Variants in MINAR1 observed in about 807,000 individuals in gnomAD.
The protein encoded by MINAR1 is major intrinsically disordered Notch2-binding receptor 1.
A neutral mutation model predicts 65.1 loss-of-function variants in MINAR1; 40 were observed. That is an observed-to-expected ratio of 0.61 (90% CI 0.48 to 0.80). MINAR1 has a LOEUF of 0.80. Among genes scored for constraint, MINAR1 ranks in the 30% least tolerant of loss-of-function variants. The pLI is 0.00. For missense variants in MINAR1, 1,128 were observed against 1,148.0 expected, an observed-to-expected ratio of 0.98 and a Z score of 0.25; for synonymous variants, 482 against 449.1, an observed-to-expected ratio of 1.07 and a Z score of -0.93.
Position 79,458,268 on chromosome 15 carries a change from A to G in MINAR1, c.2121A>G (p.Pro707=), listed in dbSNP as rs774995490. 6.2e-6 allele frequency: 10 copies of G among 1,614,028 alleles called. No individual in the cohort carries two copies. The African/African-American group carries it at 1.1e-4, about 17-fold the overall frequency. The change falls in exon 2 of 4, where the codon CCA becomes CCG. Residue 707 remains proline, a synonymous_variant. Coordinates refer to ENST00000305428, the MANE Select transcript of MINAR1 (RefSeq NM_015206.3). The part of the protein sequence containing the change: ...KALKKSLFTR[P]SSRSLTEENS... ...TAAAAAAAAGCCTCTTCACCAGGCC[A>G]TCCTCTAGGTCCCTAACAGAGGAGA... is the stretch of plus-strand genomic sequence containing the variant.
At chr15:79,452,402 G>A (rs569805990) in intron 1 of MINAR1, among the ~76,000 whole-genome samples, 3 of 152,098 alleles carry the variant, frequency 2.0e-5, no homozygotes, top group African/African-American at 7.2e-5. Context: ...CTGAAGCTGT[G>A]CAAGTGTGAA....
chr15:79,448,889 T>C (rs1352239344), intron 1 of MINAR1, among the ~76,000 whole-genome samples: 2 of 152,184 alleles, frequency 1.3e-5, no homozygotes, highest in Non-Finnish European at 2.9e-5. Context: ...TCTCTCTCTT[T>C]TTGCTCTGCT....
chr15:79,457,501 G>T lies in MINAR1; in HGVS notation c.1354G>T (p.Val452Phe). 2 of 1,614,174 alleles carry T rather than the reference G, an allele frequency of 1.2e-6. No individual in the cohort carries two copies. The highest frequency in any genetic ancestry group is 1.7e-5 in the Admixed American group (1 of 60,026). Residue 452 changes from valine (V) to phenylalanine (F), a missense_variant, in exon 2 of 4, where the codon GTC becomes TTC. Transcript: ENST00000305428. ...SPVDLEKHEP[V>F]KKFKDKSINC... Reference sequence around the variant, plus strand: ...TGTTGACCTGGAGAAGCATGAACCAGTCAAAAAGTTTAAAGACAAGAGCAT... The same window carrying T: ...TGTTGACCTGGAGAAGCATGAACCATTCAAAAAGTTTAAAGACAAGAGCAT...
At chr15:79,463,848 C>T in intron 3 of MINAR1, 1 of 433,046 alleles carries the variant, frequency 2.3e-6, no homozygotes, top group Non-Finnish European at 4.7e-6. Flanking sequence ...TGGGTTTTGG[C>T]CACACTTTTA....
At chr15:79,419,180 A>G in the MINAR1 span, 1 of 152,264 alleles carries the variant, frequency 6.6e-6, no homozygotes, top group Admixed American at 6.5e-5. Context: ...AAGACCTCGC[A>G]GGAAAAGGGA....
upstream of MINAR1, among the ~76,000 whole-genome samples, chr15:79,429,288 G>A (rs1894387181): frequency 6.6e-6 from 1 of 152,154 alleles, no homozygotes; most frequent in African/African-American, 2.4e-5. Flanking sequence ...CCATGTTTCT[G>A]GGTTCAAATA....
the MINAR1 span, chr15:79,411,715 C>A: frequency 5.8e-6 from 3 of 521,068 alleles, no homozygotes; most frequent in Non-Finnish European, 1.0e-5. Context: ...GACTCCTTGA[C>A]CACCACAGAC....
chr15:79,445,884 T>C (rs2141283685), intron 1 of MINAR1, among the ~76,000 whole-genome samples: 1 of 152,346 alleles, frequency 6.6e-6, no homozygotes, highest in Non-Finnish European at 1.5e-5. Flanking sequence ...CTGTAGGTAG[T>C]CTTTGCATTT....
chr15:79,463,179 C>T lies in MINAR1; in HGVS notation c.2411C>T (p.Ala804Val). Residue 804 changes from alanine (A) to valine (V), a missense_variant, in exon 3 of 4, where the codon GCC (alanine) becomes GTC (valine). Transcript: ENST00000305428. ...SPHPYPASLKAHMKSNPLYTD... is the reference protein window; with the variant it reads ...SPHPYPASLKVHMKSNPLYTD... ...CACCCCTACCCTGCCTCCCTCAAGG[C>T]CCACATGAAGAGCAACCCCCTGTAC... The T allele has an allele frequency of 6.2e-7, 1 of 1,614,244 alleles. No individual in the cohort carries two copies. The highest frequency in any genetic ancestry group is 8.5e-7 in the Non-Finnish European group (1 of 1,180,048).
chr15:79,459,131 GATC>G (rs1343803023), intron 2 of MINAR1, among the ~76,000 whole-genome samples: 2 of 150,382 alleles, frequency 1.3e-5, no homozygotes, highest in African/African-American at 4.9e-5. Flanking sequence ...AGTGAGCTGA[GATC>G]ATGCACTGCA....
intron 3 of MINAR1, among the ~76,000 whole-genome samples, chr15:79,465,623 C>T (rs894639672): frequency 7.9e-5 from 12 of 152,060 alleles, no homozygotes; most frequent in East Asian, 3.9e-4. Context: ...CTGTCTGAGC[C>T]GGAGGGAATA....
chr15:79,467,656 G>A (rs1338329903), intron 3 of MINAR1, among the ~76,000 whole-genome samples: 1 of 152,166 alleles, frequency 6.6e-6, no homozygotes, highest in Non-Finnish European at 1.5e-5. Context: ...TCAGATAAAT[G>A]GCTGAATTTG....
At chr15:79,452,436 C>G (rs189298528) in intron 1 of MINAR1, among the ~76,000 whole-genome samples, 169 of 150,000 alleles carry the variant, frequency 1.1e-3, no homozygotes, top group Non-Finnish European at 1.9e-3. Flanking sequence ...GTGGGTGAGT[C>G]TGTGTGAGTG....
At chr15:79,433,136 A>G (rs1483030824) in intron 1 of MINAR1, among the ~76,000 whole-genome samples, 2 of 152,210 alleles carry the variant, frequency 1.3e-5, no homozygotes, top group Non-Finnish European at 2.9e-5. Flanking sequence ...AAGCTCGCTC[A>G]CACGCGGTCC....
At chr15:79,437,081 C>G (rs1894622647) in intron 1 of MINAR1, among the ~76,000 whole-genome samples, 1 of 149,314 alleles carries the variant, frequency 6.7e-6, no homozygotes, top group Non-Finnish European at 1.5e-5. Context: ...TTTAGGGTTA[C>G]TAGAGGAGGC....
intron 3 of MINAR1, among the ~76,000 whole-genome samples, chr15:79,466,536 A>G (rs1420819485): frequency 6.6e-6 from 1 of 152,154 alleles, no homozygotes; most frequent in Non-Finnish European, 1.5e-5. Flanking sequence ...ATTTTTTTTC[A>G]ACCATTTAAA....
chr15:79,467,219 G>A (rs1329743972), intron 3 of MINAR1, among the ~76,000 whole-genome samples: 3 of 152,166 alleles, frequency 2.0e-5, no homozygotes, highest in South Asian at 2.1e-4. Context: ...TTGTATATGT[G>A]TATGAATAAT....
chr15:79,439,655 G>A (rs1262370367), intron 1 of MINAR1, among the ~76,000 whole-genome samples: 1 of 151,834 alleles, frequency 6.6e-6, no homozygotes, highest in Non-Finnish European at 1.5e-5. Flanking sequence ...TATGACAGAT[G>A]GTTTACTGCT....
chr15:79,411,511 T>G, the MINAR1 span: 1 of 701,878 alleles, frequency 1.4e-6, no homozygotes, highest in South Asian at 1.5e-5. Flanking sequence ...CTAACAGATT[T>G]TCAGCGGGGA....
Sources: allele counts gnomAD v4.1 joint callset (sites outside exome capture counted in the v4.1 genomes callset), GRCh38; gene constraint gnomAD v4.1.1; transcripts MANE v1.5; gene names NCBI Gene and HGNC (gene_info 2026-07-23, HGNC 2026-07-21).